RAD51B: variants seen among roughly 807,000 people sequenced by gnomAD.
RAD51B encodes DNA repair protein RAD51 homolog 2.
In RAD51B, 38 loss-of-function variants were observed where a neutral mutation model predicts 42.2. The observed-to-expected ratio is 0.90, with a 90% confidence interval of 0.70 to 1.18. RAD51B has a LOEUF of 1.18. Among genes scored for constraint, RAD51B ranks in the 50% most tolerant of loss-of-function variants. The probability of loss-of-function intolerance (pLI) is 0.00; values close to 1 mark genes in which losing one functional copy is unlikely to be tolerated. For missense variants in RAD51B, 373 were observed against 400.7 expected, an observed-to-expected ratio of 0.93 and a Z score of 0.59; for synonymous variants, 154 against 145.2, an observed-to-expected ratio of 1.06 and a Z score of -0.43.
At chr14:68,024,833 ATTTATTT>A (rs1365311467) in intron 7 of RAD51B, among the ~76,000 whole-genome samples, 1 of 151,540 alleles carries the variant, frequency 6.6e-6, no homozygotes, top group Non-Finnish European at 1.5e-5. Context: ...ATGCCTTTTT[ATTTATTT>A]TTTATTTTTT....
intron 8 of RAD51B, among the ~76,000 whole-genome samples, chr14:68,303,067 G>A (rs1254010840): frequency 6.6e-6 from 1 of 152,166 alleles, no homozygotes; most frequent in Non-Finnish European, 1.5e-5. Flanking sequence ...TTTCCTGAGG[G>A]TAATAGGGAG....
chr14:68,291,220 T>C (rs1038075821), intron 7 of RAD51B, among the ~76,000 whole-genome samples: 3 of 151,972 alleles, frequency 2.0e-5, no homozygotes, highest in African/African-American at 7.3e-5. Context: ...ATTTTTGAGA[T>C]GGAATTTCGC....
chr14:68,195,371 C>T (rs1399353176), intron 7 of RAD51B, among the ~76,000 whole-genome samples: 1 of 151,552 alleles, frequency 6.6e-6, no homozygotes, highest in East Asian at 2.0e-4. Flanking sequence ...TTAAATCTGT[C>T]AACATATTTA....
chr14:68,425,940 C>CTTTCTTTCTTTCTTTCTT (rs2084822820), intron 9 of RAD51B, among the ~76,000 whole-genome samples: 2 of 70,374 alleles, frequency 2.8e-5, no homozygotes, highest in African/African-American at 1.0e-4. Context: ...CATTCTTTTT[C>CTTTCTTTCTTTCTTTCTT]TTTCTTTCTT....
At chr14:68,289,481 G>A (rs755585586) in intron 7 of RAD51B, among the ~76,000 whole-genome samples, 3 of 152,138 alleles carry the variant, frequency 2.0e-5, no homozygotes, top group Non-Finnish European at 2.9e-5. Context: ...CTGGGAGGCC[G>A]AGGTGGGTGG....
At chr14:67,938,573 T>C (rs2140174151) in intron 7 of RAD51B, among the ~76,000 whole-genome samples, 1 of 152,296 alleles carries the variant, frequency 6.6e-6, no homozygotes, top group East Asian at 1.9e-4. Flanking sequence ...AATATAAAGA[T>C]ATGTTAAGGT....
chr14:68,130,593 A>G (rs759284764), intron 7 of RAD51B, among the ~76,000 whole-genome samples: 5 of 152,256 alleles, frequency 3.3e-5, no homozygotes, highest in Non-Finnish European at 5.9e-5. Context: ...AAATTCAAAC[A>G]AAATGTCTAA....
At chr14:68,528,519 A>G (rs1181998326) in intron 10 of RAD51B, among the ~76,000 whole-genome samples, 2 of 152,232 alleles carry the variant, frequency 1.3e-5, no homozygotes, top group East Asian at 3.8e-4. Flanking sequence ...ACCCATGATC[A>G]GCCTGTTAAA....
At chr14:67,838,585 G>A (rs1319972363) in intron 4 of RAD51B, among the ~76,000 whole-genome samples, 1 of 152,002 alleles carries the variant, frequency 6.6e-6, no homozygotes, top group Non-Finnish European at 1.5e-5. Context: ...TAGGACTACA[G>A]GTGTGCACCA....
intron 7 of RAD51B, among the ~76,000 whole-genome samples, chr14:68,083,652 A>G (rs2076945344): frequency 6.6e-6 from 1 of 152,334 alleles, no homozygotes; most frequent in East Asian, 1.9e-4. Flanking sequence ...TTTGGTGGTT[A>G]CTTATTAAAG....
chr14:68,380,015 G>A (rs1421147548), intron 8 of RAD51B, among the ~76,000 whole-genome samples: 1 of 152,186 alleles, frequency 6.6e-6, no homozygotes, highest in African/African-American at 2.4e-5. Context: ...AGATTGCCTG[G>A]AAAAAATGAT....
At chr14:67,829,691 C>T (rs778978197) in intron 3 of RAD51B, among the ~76,000 whole-genome samples, 1 of 151,996 alleles carries the variant, frequency 6.6e-6, no homozygotes, top group Non-Finnish European at 1.5e-5. Flanking sequence ...ATTCTTTTGA[C>T]CTGTATTTAC....
rs551909594 is a variant in RAD51B at position 68,105,785 on chromosome 14, T to C, written c.757-186099T>C. 3.3e-5 allele frequency among the ~76,000 whole-genome samples: 5 copies of C among 152,106 alleles called. No homozygotes were observed. The East Asian group carries it at 9.7e-4, about 29-fold the overall frequency. ...CTTCTTCAATGAAAGCAACCACTTT[T>C]GTTTGGTGAAACAAGCAGCATTTAC... On this transcript the variant is annotated intron_variant, in intron 7 of 10. Transcript: ENST00000471583.
chr14:68,572,534 G>C (rs1363858732), intron 10 of RAD51B, among the ~76,000 whole-genome samples: 2 of 152,194 alleles, frequency 1.3e-5, no homozygotes, highest in African/African-American at 2.4e-5. Flanking sequence ...CTCTGCTGGG[G>C]CCCAACTCCT....
intron 4 of RAD51B, among the ~76,000 whole-genome samples, chr14:67,845,730 A>G (rs567377408): frequency 6.6e-5 from 10 of 152,034 alleles, no homozygotes; most frequent in African/African-American, 2.2e-4. Context: ...TTACCTTAAG[A>G]ATGTTGAATA....
chr14:68,125,261 G>GTGT (rs2077732797), intron 7 of RAD51B: 1 of 152,174 alleles, frequency 6.6e-6, no homozygotes, highest in Non-Finnish European at 1.5e-5. Context: ...AGATTGTCTT[G>GTGT]TGTTTACTTC....
At chr14:68,594,751 C>T (rs1890918638) in exon 11 of RAD51B, 2 of 1,264,602 alleles carry the variant, frequency 1.6e-6, no homozygotes, top group African/African-American at 3.0e-5. Flanking sequence ...CCTTAGCAAT[C>T]TCATCCAATG....
intron 10 of RAD51B, among the ~76,000 whole-genome samples, chr14:68,588,482 C>T (rs1890591674): frequency 6.6e-6 from 1 of 152,286 alleles, no homozygotes; most frequent in Middle Eastern, 3.4e-3. Flanking sequence ...ATTCTAGCTA[C>T]CCCCGTGTGA....
chr14:68,091,055 T>C (rs972486829), intron 7 of RAD51B, among the ~76,000 whole-genome samples: 2 of 152,104 alleles, frequency 1.3e-5, no homozygotes, highest in African/African-American at 4.8e-5. Flanking sequence ...GGCTGCATAG[T>C]ATTCCATGGC....
Sources: gnomAD v4.1 joint callset for allele counts (sites outside exome capture counted in the v4.1 genomes callset) on GRCh38, gnomAD v4.1.1 for gene constraint, MANE v1.5 for transcripts, NCBI Gene and HGNC (gene_info 2026-07-23, HGNC 2026-07-21) for gene names.